Variants in TACR1 observed in about 807,000 individuals in gnomAD.
TACR1 encodes the protein tachykinin receptor 1.
Under a neutral mutation model 35.8 loss-of-function variants are expected in TACR1, and 25 were observed. That is an observed-to-expected ratio of 0.70 (90% CI 0.51 to 0.98). TACR1 has a LOEUF of 0.98. Among genes scored for constraint, TACR1 ranks in the 50% least tolerant of loss-of-function variants. The pLI, the probability that TACR1 is intolerant of heterozygous loss-of-function variation, is 0.00. For missense variants in TACR1, 478 were observed against 522.9 expected, an observed-to-expected ratio of 0.91 and a Z score of 0.84; for synonymous variants, 195 against 206.7, an observed-to-expected ratio of 0.94 and a Z score of 0.48.
chr2:75,115,701 T>C (rs899960502), intron 2 of TACR1, among the ~76,000 whole-genome samples: 2 of 151,630 alleles, frequency 1.3e-5, no homozygotes, highest in Non-Finnish European at 2.9e-5. Context: ...GGTCAGGAGA[T>C]CGAGACCAGC....
intron 2 of TACR1, among the ~76,000 whole-genome samples, chr2:75,075,734 T>C (rs1455699132): frequency 1.3e-5 from 2 of 152,104 alleles, no homozygotes; most frequent in Non-Finnish European, 2.9e-5. Flanking sequence ...ATTCAGCTAA[T>C]TGCTGTTTGT....
chr2:75,160,133 G>A (rs1014468641), intron 1 of TACR1, among the ~76,000 whole-genome samples: 1 of 152,138 alleles, frequency 6.6e-6, no homozygotes, highest in Admixed American at 6.5e-5. Context: ...AATTGTACCA[G>A]CAGTTATGTG....
intron 1 of TACR1, among the ~76,000 whole-genome samples, chr2:75,130,709 G>A (rs867197291): frequency 1.3e-5 from 2 of 152,192 alleles, no homozygotes; most frequent in Non-Finnish European, 2.9e-5. Flanking sequence ...ACACCAAAGC[G>A]TTAATCACTG....
intron 3 of TACR1, 61 bp from the exon 4 acceptor site, chr2:75,051,508 C>G: frequency 6.3e-7 from 1 of 1,596,194 alleles, no homozygotes; most frequent in Non-Finnish European, 8.5e-7. Context: ...CGGCTGCTTC[C>G]TCTCTCCTCC....
chr2:75,089,430 T>A (rs1673259473), intron 2 of TACR1, among the ~76,000 whole-genome samples: 1 of 152,190 alleles, frequency 6.6e-6, no homozygotes, highest in African/African-American at 2.4e-5. Context: ...TGGGTTTTAC[T>A]CTGAAAACAG....
chr2:75,101,013 C>G (rs1366843561), intron 2 of TACR1, among the ~76,000 whole-genome samples: 1 of 150,738 alleles, frequency 6.6e-6, no homozygotes, highest in East Asian at 1.9e-4. Flanking sequence ...TATACCCAGA[C>G]AACCATGATG....
At chr2:75,195,997 TC>T (rs759575509) in intron 1 of TACR1, among the ~76,000 whole-genome samples, 1 of 152,158 alleles carries the variant, frequency 6.6e-6, no homozygotes, top group Non-Finnish European at 1.5e-5. Flanking sequence ...TTGCTTCTTG[TC>T]GGTTAGGTAA....
intron 2 of TACR1, among the ~76,000 whole-genome samples, chr2:75,110,686 T>A (rs900467917): frequency 1.3e-5 from 2 of 152,026 alleles, no homozygotes; most frequent in African/African-American, 4.8e-5. Context: ...TGTGCTTGTA[T>A]AATGCCATTT....
rs1228385476 is a variant in TACR1, at chr2:75,154,450, A to ACT, written c.390-33684_390-33683dup. On this transcript the variant is annotated intron_variant, in intron 1 of 4. Transcript: ENST00000305249. Reference sequence around the variant, plus strand: ...CACACACACACACACACACACACACACTCTGAAGAAACCCAGTGGAGATTC... The same window carrying ACT: ...CACACACACACACACACACACACACACTCTCTGAAGAAACCCAGTGGAGATTC... 6.7e-4 allele frequency: 60 copies of ACT among 89,164 alleles called. 6 individuals are homozygous for ACT. Among genetic ancestry groups the ACT allele is most frequent in the African/African-American group, 2.3e-3 (52 of 22,882 alleles). The allele number at this position is 89,164 out of a possible 1,614,324, so 5.5% of individuals were successfully genotyped here.
Position 75,049,124 on chromosome 2 carries a change from A to T in TACR1, c.*308T>A. ...AATTCATCCTGAAATGAGCACTCGC[A>T]TGCAGCCAAAGTCACTTCCAGAATG... On this transcript the variant is annotated 3_prime_UTR_variant, in exon 5 of 5. Transcript: ENST00000305249. 2.9e-6 allele frequency: 1 copy of T among 339,612 alleles called. No homozygotes were observed. Among genetic ancestry groups the T allele is most frequent in the Non-Finnish European group, 5.4e-6 (1 of 185,920 alleles). The allele number at this position is 339,612 out of a possible 1,614,324, so 21.0% of individuals were successfully genotyped here.
At chr2:75,187,649 T>G (rs1675739906) in intron 1 of TACR1, 1 of 152,236 alleles carries the variant, frequency 6.6e-6, no homozygotes, top group Non-Finnish European at 1.5e-5. Context: ...TTTAATTAGC[T>G]GCTCTTCTCT....
Position 75,050,821 on chromosome 2 carries a change from G to A in TACR1, c.932+430C>T, listed in dbSNP as rs184224634. Among the ~76,000 whole-genome samples, 4 of 152,314 alleles carry A rather than the reference G, an allele frequency of 2.6e-5. No individual in the cohort carries two copies. The East Asian group carries it at 7.7e-4, about 29-fold the overall frequency. On this transcript the variant is annotated intron_variant, in intron 4 of 4. Transcript: ENST00000305249. ...ATCAGAGAGGGCGAATGTGCTCTGT[G>A]GGGGGATGAAATTCTCTTTCTGCAT...
intron 1 of TACR1, among the ~76,000 whole-genome samples, chr2:75,171,049 C>G (rs1301295538): frequency 1.3e-5 from 2 of 152,180 alleles, no homozygotes; most frequent in Non-Finnish European, 2.9e-5. Context: ...ATGTTAATCT[C>G]CAGGACAATG....
intron 1 of TACR1, among the ~76,000 whole-genome samples, chr2:75,159,363 C>G (rs1425185910): frequency 6.6e-6 from 1 of 152,094 alleles, no homozygotes; most frequent in Non-Finnish European, 1.5e-5. Flanking sequence ...ATTGTATTAT[C>G]TTTTTATTTA....
intron 1 of TACR1, among the ~76,000 whole-genome samples, chr2:75,165,295 A>G (rs1675111469): frequency 6.6e-6 from 1 of 151,966 alleles, no homozygotes; most frequent in Non-Finnish European, 1.5e-5. Context: ...CCCATCTTCC[A>G]TTCTTTTTTA....
intron 1 of TACR1, among the ~76,000 whole-genome samples, chr2:75,152,605 A>G (rs938776076): frequency 1.3e-5 from 2 of 152,204 alleles, no homozygotes; most frequent in Non-Finnish European, 2.9e-5. Context: ...ACATGCTCCG[A>G]GGCTGAGAGT....
intron 1 of TACR1, among the ~76,000 whole-genome samples, chr2:75,160,605 T>A (rs1206236518): frequency 2.0e-5 from 3 of 151,156 alleles, no homozygotes; most frequent in Non-Finnish European, 2.9e-5. Context: ...GGATTCAGCA[T>A]CAGAACAGGT....
intron 1 of TACR1, among the ~76,000 whole-genome samples, chr2:75,194,975 C>T (rs1675929766): frequency 6.6e-6 from 1 of 152,152 alleles, no homozygotes; most frequent in South Asian, 2.1e-4. Flanking sequence ...TTCTGCTCCA[C>T]AGTACTTGCC....
chr2:75,074,685 T>G (rs1404806348), intron 2 of TACR1, among the ~76,000 whole-genome samples: 1 of 151,312 alleles, frequency 6.6e-6, no homozygotes, highest in Non-Finnish European at 1.5e-5. Context: ...AGGCAGGGAT[T>G]TTTTTTTTCT....
Sources: allele counts gnomAD v4.1 joint callset (sites outside exome capture counted in the v4.1 genomes callset), GRCh38; gene constraint gnomAD v4.1.1; transcripts MANE v1.5; gene names NCBI Gene and HGNC (gene_info 2026-07-23, HGNC 2026-07-21).